The following VSTM5 variants were observed in gnomAD, a reference collection of about 807,000 sequenced individuals.
VSTM5 encodes the protein V-set and transmembrane domain-containing protein 5.
Under a neutral mutation model 20.3 loss-of-function variants are expected in VSTM5, and 21 were observed. The observed-to-expected ratio is 1.03, with a 90% CI of 0.73 to 1.49. The LOEUF (loss-of-function observed/expected upper bound fraction) is 1.49. Ranked by LOEUF, VSTM5 falls within the 40% of genes most tolerant of loss-of-function variation. VSTM5 has a pLI of 0.00. For synonymous variants in VSTM5, 100 were observed against 102.5 expected (o/e 0.98, Z 0.14); for missense variants, 219 against 250.0 (o/e 0.88, Z 0.84).
intron 1 of VSTM5, 73 bp from the exon 2 acceptor site, chr11:93,821,396 GATCT>G (rs1304377246): frequency 4.3e-5 from 56 of 1,304,482 alleles, no homozygotes; most frequent in Non-Finnish European, 5.8e-5. Context: ...ATAATTTGTT[GATCT>G]ATTACACAAA....
At chr11:93,845,783 A>C (rs1285827738) in intron 1 of VSTM5, among the ~76,000 whole-genome samples, 2 of 152,146 alleles carry the variant, frequency 1.3e-5, no homozygotes, top group Admixed American at 6.5e-5. Context: ...CCAGGTCCCC[A>C]GAGGTATTGT....
intron 1 of VSTM5, among the ~76,000 whole-genome samples, chr11:93,841,291 G>A (rs1472948999): frequency 6.6e-6 from 1 of 152,196 alleles, no homozygotes; most frequent in Non-Finnish European, 1.5e-5. Context: ...GTAAACTCTG[G>A]CTCAGGCTGC....
chr11:93,848,020 A>G (rs1944427903), intron 1 of VSTM5, among the ~76,000 whole-genome samples: 1 of 152,182 alleles, frequency 6.6e-6, no homozygotes. Flanking sequence ...TCAAGACCTC[A>G]TCTAAACCAA....
Position 93,831,022 on chromosome 11 carries a change from G to T in VSTM5, c.92-9699C>A, listed in dbSNP as rs148718532. On this transcript the variant is annotated intron_variant, in intron 1 of 3. Transcript: ENST00000409977. ...AGTCCGCCCACCCCGGCCTCCCAAAGTACTGAGATTACAGGTGTGTGCCAT... is the reference window on the plus strand; with the variant it reads ...AGTCCGCCCACCCCGGCCTCCCAAATTACTGAGATTACAGGTGTGTGCCAT... Among the ~76,000 whole-genome samples the T allele has an allele frequency of 1.5e-3, 226 of 152,056 alleles. 1 individual carries two copies. The highest frequency in any genetic ancestry group is 5.1e-3 in the African/African-American group (210 of 41,482).
chr11:93,840,455 C>T (rs1373162138), intron 1 of VSTM5, among the ~76,000 whole-genome samples: 1 of 152,188 alleles, frequency 6.6e-6, no homozygotes, highest in African/African-American at 2.4e-5. Flanking sequence ...ATTAGAATTC[C>T]TTTACAGCAG....
At chr11:93,830,749 T>C (rs1944275788) in intron 1 of VSTM5, among the ~76,000 whole-genome samples, 1 of 149,128 alleles carries the variant, frequency 6.7e-6, no homozygotes, top group Non-Finnish European at 1.5e-5. Context: ...GGTTTGTTTT[T>C]CGGTTGGTTC....
intron 1 of VSTM5, among the ~76,000 whole-genome samples, chr11:93,849,914 G>C (rs1944444695): frequency 1.3e-5 from 2 of 152,252 alleles, no homozygotes; most frequent in African/African-American, 4.8e-5. Flanking sequence ...ACGGGAGCAG[G>C]CTGCTGTGGG....
intron 1 of VSTM5, among the ~76,000 whole-genome samples, chr11:93,838,445 C>A (rs1307000654): frequency 1.3e-5 from 2 of 151,956 alleles, no homozygotes; most frequent in African/African-American, 4.8e-5. Flanking sequence ...GCACTCCAGC[C>A]TGGGCGACAT....
intron 1 of VSTM5, among the ~76,000 whole-genome samples, chr11:93,824,440 GC>G (rs756944361): frequency 1.3e-5 from 2 of 152,078 alleles, no homozygotes; most frequent in African/African-American, 2.4e-5. Flanking sequence ...GTACCTGTTG[GC>G]CATTTGTATT....
intron 1 of VSTM5, among the ~76,000 whole-genome samples, chr11:93,831,953 G>A (rs1279012762): frequency 6.6e-6 from 1 of 152,204 alleles, no homozygotes; most frequent in Non-Finnish European, 1.5e-5. Flanking sequence ...TGTGGTGATT[G>A]TAAATGGGTG....
In VSTM5 at chr11:93,819,117, A is replaced by C. The variant is rs1944157721; in HGVS notation, c.*1452T>G. 6.6e-6 allele frequency: 1 copy of C among 152,230 alleles called. No homozygotes were observed. Among genetic ancestry groups the C allele is most frequent in the Non-Finnish European group, 1.5e-5 (1 of 68,056 alleles). The allele number at this position is 152,230 out of a possible 1,614,324, so 9.4% of individuals were successfully genotyped here. ...AACTTATCCAAGCAACTCCTCTGCC[A>C]CATAGGAAATAGAGAAGATATGGAC... is the stretch of plus-strand genomic sequence containing the variant. On this transcript the variant is annotated 3_prime_UTR_variant, in exon 4 of 4. Coordinates refer to ENST00000409977, the MANE Select transcript of VSTM5 (RefSeq NM_001144871.2).
chr11:93,827,359 G>A (rs1045826461), intron 1 of VSTM5, among the ~76,000 whole-genome samples: 4 of 152,190 alleles, frequency 2.6e-5, no homozygotes, highest in Admixed American at 1.3e-4. Flanking sequence ...CTCCAGCCTG[G>A]CAACAAAAGC....
chr11:93,831,707 A>G (rs1051101861), intron 1 of VSTM5, among the ~76,000 whole-genome samples: 3 of 152,218 alleles, frequency 2.0e-5, no homozygotes, highest in African/African-American at 4.8e-5. Context: ...CCCCTTCATC[A>G]GGTTTCAGAA....
chr11:93,835,759 T>C (rs1944318214), intron 1 of VSTM5, among the ~76,000 whole-genome samples: 1 of 152,164 alleles, frequency 6.6e-6, no homozygotes, highest in Non-Finnish European at 1.5e-5. Flanking sequence ...ATAAATTAAA[T>C]GCACACAGAA....
chr11:93,848,057 A>C (rs902401072), intron 1 of VSTM5, among the ~76,000 whole-genome samples: 1 of 152,156 alleles, frequency 6.6e-6, no homozygotes, highest in African/African-American at 2.4e-5. Context: ...CCCTCCTCCA[A>C]ATACCATCAC....
chr11:93,831,728 A>C (rs1305993794), intron 1 of VSTM5, among the ~76,000 whole-genome samples: 1 of 152,192 alleles, frequency 6.6e-6, no homozygotes, highest in Non-Finnish European at 1.5e-5. Flanking sequence ...TTTGTACCCA[A>C]ACCAGGAAAA....
At chr11:93,828,083 G>A (rs1823081760) in intron 1 of VSTM5, among the ~76,000 whole-genome samples, 1 of 152,134 alleles carries the variant, frequency 6.6e-6, no homozygotes, top group Non-Finnish European at 1.5e-5. Flanking sequence ...GTCTTTTTAA[G>A]TTCTCCTGAT....
At chr11:93,850,368 C>A in intron 1 of VSTM5, 44 bp downstream of exon 1, 1 of 1,527,192 alleles carries the variant, frequency 6.5e-7, no homozygotes. Context: ...GCCCCCCTAC[C>A]CATTCCCGCT....
chr11:93,847,755 C>T (rs998914901), intron 1 of VSTM5, among the ~76,000 whole-genome samples: 2 of 152,178 alleles, frequency 1.3e-5, no homozygotes, highest in East Asian at 1.9e-4. Context: ...TTTCCGAGCC[C>T]ATAAGTCCTT....
Sources: allele counts gnomAD v4.1 joint callset (sites outside exome capture counted in the v4.1 genomes callset), GRCh38; gene constraint gnomAD v4.1.1; transcripts MANE v1.5; gene names NCBI Gene and HGNC (gene_info 2026-07-23, HGNC 2026-07-21).